Variants in ZNF516 observed in about 807,000 individuals in gnomAD.
ZNF516 encodes the protein zinc finger protein 516.
A neutral mutation model predicts 79.7 loss-of-function variants in ZNF516; 19 were observed. The observed-to-expected ratio is 0.24, with a 90% CI of 0.17 to 0.35. The LOEUF (loss-of-function observed/expected upper bound fraction) is 0.35. Among genes scored for constraint, ZNF516 ranks in the 10% least tolerant of loss-of-function variants. The pLI is 1.00. For missense variants in ZNF516, 1,678 were observed against 1,679.5 expected, an observed-to-expected ratio of 1.00 and a Z score of 0.02; for synonymous variants, 877 against 739.5, an observed-to-expected ratio of 1.19 and a Z score of -3.02.
At chr18:76,383,058 A>AAAG (rs2074920081) in intron 3 of ZNF516, among the ~76,000 whole-genome samples, 1 of 151,328 alleles carries the variant, frequency 6.6e-6, no homozygotes, top group Non-Finnish European at 1.5e-5. Context: ...AAAAAAAAAA[A>AAAG]AGCGCATGGT....
chr18:76,461,123 A>G (rs1417824419), intron 2 of ZNF516, among the ~76,000 whole-genome samples: 1 of 152,254 alleles, frequency 6.6e-6, no homozygotes, highest in Non-Finnish European at 1.5e-5. Flanking sequence ...CGGAGGTTGC[A>G]GTGAGCTGAG....
At chr18:76,443,653 G>T (rs1911867292) in intron 2 of ZNF516, among the ~76,000 whole-genome samples, 1 of 152,166 alleles carries the variant, frequency 6.6e-6, no homozygotes, top group African/African-American at 2.4e-5. Flanking sequence ...CTGCACAGGT[G>T]GTGACAACAG....
chr18:76,471,331 T>C (rs1364542859), intron 1 of ZNF516, among the ~76,000 whole-genome samples: 1 of 152,120 alleles, frequency 6.6e-6, no homozygotes, highest in Non-Finnish European at 1.5e-5. Context: ...CAGAATGGAT[T>C]GCTGCAGCTC....
intron 1 of ZNF516, among the ~76,000 whole-genome samples, chr18:76,482,570 G>A (rs1357197103): frequency 6.6e-6 from 1 of 152,218 alleles, no homozygotes; most frequent in Non-Finnish European, 1.5e-5. Flanking sequence ...CTTAAGGTAG[G>A]TGAGGCTATG....
chr18:76,466,313 A>T (rs1913464266), intron 1 of ZNF516, among the ~76,000 whole-genome samples: 1 of 152,208 alleles, frequency 6.6e-6, no homozygotes, highest in Admixed American at 6.5e-5. Context: ...CTCTTGCAAC[A>T]GAGACTCCGT....
At chr18:76,436,657 G>T (rs566586374) in intron 3 of ZNF516, among the ~76,000 whole-genome samples, 1 of 152,110 alleles carries the variant, frequency 6.6e-6, no homozygotes, top group Non-Finnish European at 1.5e-5. Flanking sequence ...ACCATATAAA[G>T]GTTGCCCACA....
At chr18:76,367,443 A>G (rs2074631405) in intron 6 of ZNF516, among the ~76,000 whole-genome samples, 1 of 152,150 alleles carries the variant, frequency 6.6e-6, no homozygotes, top group African/African-American at 2.4e-5. Context: ...CCCCTGTGGG[A>G]AGAAATTCAG....
intron 1 of ZNF516, among the ~76,000 whole-genome samples, chr18:76,482,891 T>C (rs1226267744): frequency 6.6e-6 from 1 of 152,234 alleles, no homozygotes; most frequent in Non-Finnish European, 1.5e-5. Context: ...AATAAGTCTT[T>C]GCATTTCTTC....
rs560507511 is a variant in ZNF516 at position 76,360,333 on chromosome 18, ACTAGTCC to A, written c.*2158_*2164del. The A allele has an allele frequency of 3.0e-4, 46 of 152,348 alleles. No individual in the cohort carries two copies. The highest frequency in any genetic ancestry group is 1.0e-3 in the African/African-American group (42 of 41,592). The allele number at this position is 152,348 out of a possible 1,614,324, so 9.4% of individuals were successfully genotyped here. ...AAACACAGAGAAACAGGACTGGGTC[ACTAGTCC>A]CTGACATTCCTAACAGTCACCATTC... On this transcript the variant is annotated 3_prime_UTR_variant, in exon 7 of 7. Coordinates refer to ENST00000443185, the MANE Select transcript of ZNF516 (RefSeq NM_014643.4).
At chr18:76,435,839 GTTC>G (rs1436436691) in intron 3 of ZNF516, among the ~76,000 whole-genome samples, 1 of 152,140 alleles carries the variant, frequency 6.6e-6, no homozygotes, top group South Asian at 2.1e-4. Flanking sequence ...CTCGGTCTCC[GTTC>G]TTCTGAATTT....
intron 3 of ZNF516, among the ~76,000 whole-genome samples, chr18:76,384,327 AC>A (rs1253510208): frequency 7.5e-5 from 2 of 26,712 alleles, no homozygotes; most frequent in Admixed American, 4.6e-4. Flanking sequence ...CCCCTCCACC[AC>A]CCCCACCCCT....
chr18:76,490,070 A>G, intron 1 of ZNF516: 1 of 659,786 alleles, frequency 1.5e-6, no homozygotes, highest in Non-Finnish European at 1.9e-6. Flanking sequence ...ATTAAGAAAA[A>G]CATTAGACAT....
chr18:76,387,548 A>T (rs1273518767), intron 3 of ZNF516: 2 of 152,258 alleles, frequency 1.3e-5, no homozygotes, highest in Non-Finnish European at 2.9e-5. Flanking sequence ...AGAAAAAAAA[A>T]GTCACTCAGT....
chr18:76,399,226 G>C (rs1054230426), intron 3 of ZNF516, among the ~76,000 whole-genome samples: 2 of 138,506 alleles, frequency 1.4e-5, no homozygotes, highest in Admixed American at 1.5e-4. Flanking sequence ...CCAAGAGCTT[G>C]CCTTAAAAGA....
intron 3 of ZNF516, among the ~76,000 whole-genome samples, chr18:76,382,780 C>T (rs556851078): frequency 6.6e-6 from 1 of 152,088 alleles, no homozygotes; most frequent in South Asian, 2.1e-4. Flanking sequence ...GCATGGTGGC[C>T]AGCACCTGTA....
intron 1 of ZNF516, among the ~76,000 whole-genome samples, chr18:76,487,182 A>G (rs1366595982): frequency 6.6e-6 from 1 of 152,220 alleles, no homozygotes; most frequent in Non-Finnish European, 1.5e-5. Flanking sequence ...ACTGCTTTAC[A>G]ATTCGAATGT....
intron 1 of ZNF516, among the ~76,000 whole-genome samples, chr18:76,494,861 C>G (rs1029842134): frequency 2.0e-5 from 3 of 151,152 alleles, no homozygotes; most frequent in African/African-American, 7.3e-5. Context: ...CCCCGCCCCT[C>G]CACTGCGGTA....
At chr18:76,398,517 G>A (rs1200822496) in intron 3 of ZNF516, among the ~76,000 whole-genome samples, 1 of 152,180 alleles carries the variant, frequency 6.6e-6, no homozygotes, top group Admixed American at 6.5e-5. Context: ...CGGGAAGAAG[G>A]TGCTGACGCC....
intron 2 of ZNF516, among the ~76,000 whole-genome samples, chr18:76,445,042 A>G (rs924320082): frequency 6.6e-6 from 1 of 152,154 alleles, no homozygotes; most frequent in African/African-American, 2.4e-5. Context: ...CATGCAACAG[A>G]GCGGGCATGA....
Sources: gnomAD v4.1 joint callset for allele counts (sites outside exome capture counted in the v4.1 genomes callset) on GRCh38, gnomAD v4.1.1 for gene constraint, MANE v1.5 for transcripts, NCBI Gene and HGNC (gene_info 2026-07-23, HGNC 2026-07-21) for gene names.